The following XKR4 variants were observed in gnomAD, a reference collection of about 807,000 sequenced individuals.
XKR4 encodes the protein XK related 4.
XKR4 carries 12 observed loss-of-function variants against 53.9 expected under a neutral mutation model. The observed-to-expected ratio is 0.22, with a 90% CI of 0.14 to 0.36. The LOEUF (loss-of-function observed/expected upper bound fraction) is 0.36, where lower values mean the gene tolerates loss of function less well. XKR4 is among the 10% of genes least tolerant of loss of function. XKR4 has a pLI of 1.00. For missense variants in XKR4, 799 were observed against 859.5 expected, an observed-to-expected ratio of 0.93 and a Z score of 0.88; for synonymous variants, 354 against 362.4, an observed-to-expected ratio of 0.98 and a Z score of 0.26.
intron 1 of XKR4, among the ~76,000 whole-genome samples, chr8:55,296,085 GGGGTCCA>G (rs1343941815): frequency 6.6e-6 from 1 of 152,114 alleles, no homozygotes; most frequent in Admixed American, 6.6e-5. Context: ...GCTGTCCTCA[GGGGTCCA>G]GGTTCCTTAC....
chr8:55,106,859 G>GT (rs1442556733), intron 1 of XKR4, among the ~76,000 whole-genome samples: 1 of 152,144 alleles, frequency 6.6e-6, no homozygotes, highest in Non-Finnish European at 1.5e-5. Flanking sequence ...GGAAAATGCA[G>GT]TTTTTTCTGC....
chr8:55,351,500 C>T (rs1803721785), intron 1 of XKR4, among the ~76,000 whole-genome samples: 1 of 152,144 alleles, frequency 6.6e-6, no homozygotes, highest in Non-Finnish European at 1.5e-5. Flanking sequence ...TGGGAGTATA[C>T]ATAGCCTTCT....
intron 2 of XKR4, among the ~76,000 whole-genome samples, chr8:55,439,797 T>C (rs1805238982): frequency 6.6e-6 from 1 of 152,236 alleles, no homozygotes; most frequent in Non-Finnish European, 1.5e-5. Context: ...AGATAGGCTA[T>C]ATTTGAAGAG....
At chr8:55,280,560 T>C (rs1818831185) in intron 1 of XKR4, among the ~76,000 whole-genome samples, 1 of 152,220 alleles carries the variant, frequency 6.6e-6, no homozygotes, top group African/African-American at 2.4e-5. Flanking sequence ...AAGCACAGCT[T>C]AAGCCTACAG....
At chr8:55,474,788 G>T (rs958426507) in intron 2 of XKR4, among the ~76,000 whole-genome samples, 1 of 152,092 alleles carries the variant, frequency 6.6e-6, no homozygotes, top group African/African-American at 2.4e-5. Flanking sequence ...TGCACCCAAT[G>T]CTTTATTCCC....
At chr8:55,186,544 T>C (rs1817380865) in intron 1 of XKR4, among the ~76,000 whole-genome samples, 1 of 151,850 alleles carries the variant, frequency 6.6e-6, no homozygotes, top group Admixed American at 6.6e-5. Context: ...TAGCCCCAGC[T>C]ACTCAGGAGG....
intron 1 of XKR4, among the ~76,000 whole-genome samples, chr8:55,335,601 T>C (rs1803448786): frequency 1.3e-5 from 2 of 152,194 alleles, no homozygotes; most frequent in African/African-American, 4.8e-5. Flanking sequence ...AGGAAACCTA[T>C]GTTCACACAA....
rs985731354 is a variant in XKR4 at position 55,396,294 on chromosome 8, G to T, written c.1006+38417G>T. ...GGAAGAGCCCCAGTGGCAAAGCTCT[G>T]CCTTATTTTCACTTCTTTATCACCT... On this transcript the variant is annotated intron_variant, in intron 2 of 2. Coordinates refer to ENST00000327381, the MANE Select transcript of XKR4 (RefSeq NM_052898.2). Among the ~76,000 whole-genome samples the T allele has an allele frequency of 2.0e-5, 3 of 151,866 alleles. No individual in the cohort carries two copies. The South Asian group carries it at 6.2e-4, about 31-fold the overall frequency.
chr8:55,356,061 C>T (rs1047064547), intron 1 of XKR4, among the ~76,000 whole-genome samples: 2 of 152,148 alleles, frequency 1.3e-5, no homozygotes, highest in African/African-American at 4.8e-5. Context: ...TCCCTATGTA[C>T]CTTTCTTGAG....
chr8:55,231,530 T>C (rs1818041087), intron 1 of XKR4, among the ~76,000 whole-genome samples: 1 of 152,164 alleles, frequency 6.6e-6, no homozygotes, highest in African/African-American at 2.4e-5. Context: ...CACTGCTTGT[T>C]TTTATCCCCA....
At chr8:55,109,361 G>A (rs1199278743) in intron 1 of XKR4, among the ~76,000 whole-genome samples, 4 of 152,140 alleles carry the variant, frequency 2.6e-5, no homozygotes, top group African/African-American at 9.7e-5. Context: ...TTTTGTGGAT[G>A]AAAGAAGTAG....
chr8:55,180,771 G>T (rs1052013669), intron 1 of XKR4, among the ~76,000 whole-genome samples: 7 of 152,196 alleles, frequency 4.6e-5, no homozygotes, highest in African/African-American at 1.2e-4. Flanking sequence ...GACCTCGAGT[G>T]TTCCACCCGC....
intron 2 of XKR4, among the ~76,000 whole-genome samples, chr8:55,367,957 TG>T (rs1331385904): frequency 3.3e-5 from 5 of 151,968 alleles, no homozygotes; most frequent in African/African-American, 7.2e-5. Context: ...GTTTTGTTTT[TG>T]TTTTTGTTTT....
intron 2 of XKR4, among the ~76,000 whole-genome samples, chr8:55,491,159 C>A (rs1010261188): frequency 6.6e-6 from 1 of 152,250 alleles, no homozygotes; most frequent in South Asian, 2.1e-4. Flanking sequence ...ACATTTTTCA[C>A]CTTTAAAGTT....
chr8:55,216,125 T>C (rs564292161), intron 1 of XKR4, among the ~76,000 whole-genome samples: 6 of 152,374 alleles, frequency 3.9e-5, no homozygotes, highest in Non-Finnish European at 7.3e-5. Flanking sequence ...AGTGGATATA[T>C]ACTATATTCA....
At chr8:55,509,055 C>T (rs908876395) in intron 2 of XKR4, among the ~76,000 whole-genome samples, 14 of 152,142 alleles carry the variant, frequency 9.2e-5, no homozygotes, top group African/African-American at 1.9e-4. Context: ...GTCACAAATA[C>T]GAATCAAATA....
At chr8:55,229,118 C>G (rs1269866151) in intron 1 of XKR4, among the ~76,000 whole-genome samples, 1 of 152,252 alleles carries the variant, frequency 6.6e-6, no homozygotes, top group Non-Finnish European at 1.5e-5. Context: ...CCAAACCCAG[C>G]CTACCTGCTC....
intron 2 of XKR4, among the ~76,000 whole-genome samples, chr8:55,377,592 G>C (rs575324091): frequency 2.0e-5 from 3 of 152,238 alleles, no homozygotes; most frequent in African/African-American, 7.2e-5. Context: ...ACAGGGGAGA[G>C]AGAAAGGGAG....
At chr8:55,434,411 G>A (rs1368766513) in intron 2 of XKR4, among the ~76,000 whole-genome samples, 1 of 17,290 alleles carries the variant, frequency 5.8e-5, no homozygotes, top group South Asian at 1.7e-3. Context: ...GATACCAATC[G>A]TGTGTGTGTG....
Sources: gnomAD v4.1 joint callset for allele counts (sites outside exome capture counted in the v4.1 genomes callset) on GRCh38, gnomAD v4.1.1 for gene constraint, MANE v1.5 for transcripts, NCBI Gene and HGNC (gene_info 2026-07-23, HGNC 2026-07-21) for gene names.